Variants in SCAI observed in about 807,000 individuals in gnomAD.
SCAI encodes suppressor of cancer cell invasion.
In SCAI, 24 loss-of-function variants were observed where a neutral mutation model predicts 92.2. The observed-to-expected ratio is 0.26, with a 90% CI of 0.19 to 0.37. The LOEUF is 0.37. SCAI is among the 10% of genes least tolerant of loss of function. The pLI, the probability that SCAI is intolerant of heterozygous loss-of-function variation, is 1.00. For missense variants in SCAI, 450 were observed against 736.2 expected (o/e 0.61, Z 4.50); for synonymous variants, 261 against 258.6 (o/e 1.01, Z -0.09).
intron 1 of SCAI, 57 bp downstream of exon 1, chr9:125,143,328 G>A (rs1835714943): frequency 1.8e-6 from 2 of 1,114,104 alleles, no homozygotes; most frequent in African/African-American, 1.6e-5. Flanking sequence ...CTGCCCCTGG[G>A]CCCGCTCCCT....
chr9:125,015,862 G>A (rs1832745917), intron 9 of SCAI, among the ~76,000 whole-genome samples: 1 of 151,956 alleles, frequency 6.6e-6, no homozygotes, highest in Non-Finnish European at 1.5e-5. Flanking sequence ...AAAAAAGGAT[G>A]AGTTCATGTC....
At chr9:125,106,751 G>T in intron 2 of SCAI, among the ~76,000 whole-genome samples, 1 of 138,664 alleles carries the variant, frequency 7.2e-6, no homozygotes. Context: ...TTTTGAGACA[G>T]GGTTTCACTG....
At chr9:125,134,248 A>G (rs1835467046) in intron 2 of SCAI, among the ~76,000 whole-genome samples, 1 of 152,188 alleles carries the variant, frequency 6.6e-6, no homozygotes, top group South Asian at 2.1e-4. Context: ...ACCACTATGC[A>G]GAATTCCTAT....
chr9:125,128,129 A>G lies in SCAI; in HGVS notation c.98+14504T>C, dbSNP rs572872655. ...GAAATTTGCAACCAGCCTGGGTAACAAAGTGAGACACCCATCAATACAAAC... is the reference window on the plus strand; with the variant it reads ...GAAATTTGCAACCAGCCTGGGTAACGAAGTGAGACACCCATCAATACAAAC... On this transcript the variant is annotated intron_variant, in intron 2 of 17. Transcript: ENST00000336505. Among the ~76,000 whole-genome samples the G allele has an allele frequency of 4.6e-5, 7 of 152,288 alleles. No homozygotes were observed. The South Asian group carries it at 1.0e-3, about 23-fold the overall frequency.
At chr9:125,070,932 C>A (rs1298409433) in intron 2 of SCAI, among the ~76,000 whole-genome samples, 1 of 152,028 alleles carries the variant, frequency 6.6e-6, no homozygotes, top group African/African-American at 2.4e-5. Context: ...AGGGACCCGG[C>A]GAGAGATAAT....
intron 2 of SCAI, among the ~76,000 whole-genome samples, chr9:125,069,209 C>G (rs763680639): frequency 3.3e-5 from 5 of 151,672 alleles, no homozygotes; most frequent in African/African-American, 4.8e-5. Context: ...CAGAGTGAGA[C>G]TCCATCTCAA....
In SCAI at chr9:125,117,082, G is replaced by GT. The variant is rs567065891; in HGVS notation, c.98+25550dup. ...AATACATTCCTACACACCTGAAGAG[G>GT]TTTTTTTTCACTCAGTAACATTTCA... On this transcript the variant is annotated intron_variant, in intron 2 of 17. Transcript: ENST00000336505. 5.9e-5 allele frequency among the ~76,000 whole-genome samples: 9 copies of GT among 151,860 alleles called. No homozygotes were observed. The South Asian group carries it at 6.3e-4, about 11-fold the overall frequency.
chr9:125,022,227 T>TA (rs1231879905), intron 6 of SCAI, among the ~76,000 whole-genome samples: 5 of 152,210 alleles, frequency 3.3e-5, no homozygotes, highest in Non-Finnish European at 7.3e-5. Flanking sequence ...ATTAGGTATA[T>TA]ATAAGTTTAT....
At chr9:124,976,999 G>C (rs1372133429) in intron 14 of SCAI, among the ~76,000 whole-genome samples, 1 of 151,712 alleles carries the variant, frequency 6.6e-6, no homozygotes, top group Admixed American at 6.6e-5. Flanking sequence ...CTCCCCAGTA[G>C]CTAGGACTAC....
chr9:125,119,997 T>A (rs1388774301), intron 2 of SCAI, among the ~76,000 whole-genome samples: 1 of 152,178 alleles, frequency 6.6e-6, no homozygotes, highest in East Asian at 1.9e-4. Flanking sequence ...CCATGGCATT[T>A]TTATAACCTA....
intron 3 of SCAI, among the ~76,000 whole-genome samples, chr9:125,045,194 C>A (rs1036763482): frequency 1.3e-5 from 2 of 152,146 alleles, no homozygotes; most frequent in Non-Finnish European, 2.9e-5. Context: ...CCTAAGGATC[C>A]TGTGACATTT....
At chr9:124,956,078 C>T (rs190745964) in intron 17 of SCAI, among the ~76,000 whole-genome samples, 1 of 151,902 alleles carries the variant, frequency 6.6e-6, no homozygotes, top group African/African-American at 2.4e-5. Flanking sequence ...GAAGACATTA[C>T]GAGAAAAATA....
At chr9:125,119,255 G>C (rs1262627885) in intron 2 of SCAI, among the ~76,000 whole-genome samples, 1 of 152,128 alleles carries the variant, frequency 6.6e-6, no homozygotes, top group Non-Finnish European at 1.5e-5. Flanking sequence ...CCATTTTATA[G>C]ATCAACTGAT....
At position 125,032,852 on chromosome 9, in the gene SCAI, G is replaced by T. The variant is rs927290038; in HGVS notation, c.231-3113C>A. Among the ~76,000 whole-genome samples, 8 of 152,010 alleles carry T rather than the reference G, an allele frequency of 5.3e-5. No individual in the cohort carries two copies. In the East Asian group the frequency reaches 1.6e-3, roughly 29 times the overall value. On this transcript the variant is annotated intron_variant, in intron 3 of 17. Coordinates refer to ENST00000336505, the MANE Select transcript of SCAI (RefSeq NM_001144877.3). ...GGCTGGTCTTGAACTCCTGACCTCA[G>T]GTGATCCACCCACCTTGGCCTCCTA...
chr9:125,107,601 A>G (rs1564416056), intron 2 of SCAI, among the ~76,000 whole-genome samples: 1 of 151,996 alleles, frequency 6.6e-6, no homozygotes, highest in Non-Finnish European at 1.5e-5. Context: ...CTCTGTCTCT[A>G]AGAAAATTTT....
intron 2 of SCAI, among the ~76,000 whole-genome samples, chr9:125,116,638 C>G (rs1021917721): frequency 1.3e-5 from 2 of 151,908 alleles, no homozygotes; most frequent in African/African-American, 2.4e-5. Flanking sequence ...GGAGACAAAA[C>G]CCACCAATAA....
At chr9:125,066,018 C>A in intron 2 of SCAI, 1 of 771,680 alleles carries the variant, frequency 1.3e-6, no homozygotes, top group African/African-American at 1.7e-5. Flanking sequence ...TATCTTTCCC[C>A]TTGAGATTGT....
intron 9 of SCAI, among the ~76,000 whole-genome samples, chr9:125,010,636 C>G (rs1832615957): frequency 6.6e-6 from 1 of 152,226 alleles, no homozygotes; most frequent in South Asian, 2.1e-4. Flanking sequence ...GCAGTAACCT[C>G]TGCAGACTTA....
At chr9:125,129,016 T>C (rs565345954) in intron 2 of SCAI, among the ~76,000 whole-genome samples, 1 of 151,784 alleles carries the variant, frequency 6.6e-6, no homozygotes, top group Admixed American at 6.6e-5. Flanking sequence ...TGCACCGAGA[T>C]CACGCCATTG....
Sources: allele counts gnomAD v4.1 joint callset (sites outside exome capture counted in the v4.1 genomes callset), GRCh38; gene constraint gnomAD v4.1.1; transcripts MANE v1.5; gene names NCBI Gene and HGNC (gene_info 2026-07-23, HGNC 2026-07-21).